SNTB1: variants seen among roughly 807,000 people sequenced by gnomAD.
SNTB1 encodes the protein syntrophin beta 1.
A neutral mutation model predicts 48.9 loss-of-function variants in SNTB1; 36 were observed. That is an observed-to-expected ratio of 0.74 (90% CI 0.56 to 0.97). The LOEUF is 0.97. SNTB1 is among the 50% of genes least tolerant of loss of function. The pLI, the probability that SNTB1 is intolerant of heterozygous loss-of-function variation, is 0.00. For missense variants in SNTB1, 786 were observed against 703.4 expected, an observed-to-expected ratio of 1.12 and a Z score of -1.33; for synonymous variants, 299 against 294.6, an observed-to-expected ratio of 1.01 and a Z score of -0.15.
rs192659328 is a variant in SNTB1 at position 120,563,280 on chromosome 8, G to A, written c.1136+11806C>T. On this transcript the variant is annotated intron_variant, in intron 4 of 6. Coordinates refer to ENST00000517992, the MANE Select transcript of SNTB1 (RefSeq NM_021021.4). The stretch of plus-strand genomic sequence containing the variant: ...AAACCAACACTCTTACTCCATACAA[G>A]TGAGCATACCTTTTTTTTTTTTAAT... Among the ~76,000 whole-genome samples the A allele has an allele frequency of 2.7e-5, 4 of 149,582 alleles. No homozygotes were observed. The East Asian group carries it at 7.8e-4, about 29-fold the overall frequency.
At chr8:120,737,695 G>A (rs1316895106) in intron 1 of SNTB1, among the ~76,000 whole-genome samples, 1 of 152,114 alleles carries the variant, frequency 6.6e-6, no homozygotes, top group Non-Finnish European at 1.5e-5. Context: ...GTGAAGTCTG[G>A]CTTCAGCATG....
chr8:120,623,188 C>T (rs774317105), intron 3 of SNTB1, among the ~76,000 whole-genome samples: 2 of 152,324 alleles, frequency 1.3e-5, no homozygotes, highest in African/African-American at 2.4e-5. Flanking sequence ...CAAGAATCTC[C>T]GTCTCAGACT....
intron 3 of SNTB1, among the ~76,000 whole-genome samples, chr8:120,616,169 TA>T (rs1816710721): frequency 6.6e-6 from 1 of 152,190 alleles, no homozygotes; most frequent in African/African-American, 2.4e-5. Flanking sequence ...AATTATTTAA[TA>T]GTACATTTTG....
intron 3 of SNTB1, among the ~76,000 whole-genome samples, chr8:120,592,483 C>T (rs1222771772): frequency 1.3e-5 from 2 of 152,124 alleles, no homozygotes; most frequent in Non-Finnish European, 2.9e-5. Flanking sequence ...CCTGGCCAAG[C>T]AGAGAATTTT....
chr8:120,780,245 A>C (rs1466204000), intron 1 of SNTB1, among the ~76,000 whole-genome samples: 1 of 152,186 alleles, frequency 6.6e-6, no homozygotes, highest in African/African-American at 2.4e-5. Context: ...CCCACCACCA[A>C]ATTGGCTTGC....
intron 2 of SNTB1, among the ~76,000 whole-genome samples, chr8:120,652,844 A>T (rs1204153998): frequency 6.6e-6 from 1 of 152,192 alleles, no homozygotes; most frequent in Non-Finnish European, 1.5e-5. Context: ...GGGGGAAAAA[A>T]CTACATTAGT....
chr8:120,729,546 G>T (rs2129972301), intron 1 of SNTB1, among the ~76,000 whole-genome samples: 1 of 152,366 alleles, frequency 6.6e-6, no homozygotes, highest in Middle Eastern at 3.4e-3. Context: ...TGAGGGCTGA[G>T]GGTGAGAGTT....
chr8:120,785,225 G>A (rs1819904320), intron 1 of SNTB1, among the ~76,000 whole-genome samples: 1 of 152,212 alleles, frequency 6.6e-6, no homozygotes, highest in South Asian at 2.1e-4. Flanking sequence ...AGAGCAGGAA[G>A]TGTGCTACAG....
chr8:120,576,741 G>A (rs1391116249), intron 3 of SNTB1, among the ~76,000 whole-genome samples: 2 of 152,166 alleles, frequency 1.3e-5, no homozygotes, highest in Admixed American at 1.3e-4. Context: ...TAATTTCTTT[G>A]TATCTCAGTT....
At chr8:120,720,181 T>C (rs1818635189) in intron 1 of SNTB1, among the ~76,000 whole-genome samples, 2 of 152,300 alleles carry the variant, frequency 1.3e-5, no homozygotes, top group Admixed American at 1.3e-4. Flanking sequence ...CATATGCACT[T>C]TGGGGCAGCC....
At chr8:120,748,366 C>T (rs532652811) in intron 1 of SNTB1, among the ~76,000 whole-genome samples, 316 of 152,106 alleles carry the variant, frequency 2.1e-3, no homozygotes, top group Non-Finnish European at 3.9e-3. Context: ...AAAATTTGGT[C>T]GTCATCCTTC....
At chr8:120,741,434 T>C (rs4871110) in intron 1 of SNTB1, among the ~76,000 whole-genome samples, 19,947 of 151,986 alleles carry the variant, frequency 0.13, 1,696 homozygotes, top group African/African-American at 0.24. Context: ...CATGGCAAAA[T>C]GCTGTCTCTA....
At chr8:120,653,576 G>T (rs1233168833) in intron 2 of SNTB1, among the ~76,000 whole-genome samples, 1 of 152,136 alleles carries the variant, frequency 6.6e-6, no homozygotes, top group East Asian at 1.9e-4. Flanking sequence ...GCCAATCCTA[G>T]AAAACTATTA....
At chr8:120,639,512 GT>G (rs1480808594) in intron 2 of SNTB1, among the ~76,000 whole-genome samples, 3 of 152,126 alleles carry the variant, frequency 2.0e-5, no homozygotes, top group Non-Finnish European at 4.4e-5. Context: ...ATGGTTTTAG[GT>G]CTAACATTTA....
At chr8:120,731,759 C>T (rs1010710582) in intron 1 of SNTB1, among the ~76,000 whole-genome samples, 6 of 152,182 alleles carry the variant, frequency 3.9e-5, no homozygotes, top group African/African-American at 1.2e-4. Context: ...CAGATGTCTA[C>T]GGCAGAACTC....
intron 1 of SNTB1, among the ~76,000 whole-genome samples, chr8:120,705,456 T>A (rs976410553): frequency 6.6e-6 from 1 of 152,250 alleles, no homozygotes; most frequent in Non-Finnish European, 1.5e-5. Context: ...TTTGTGTATG[T>A]CTGCAGAATA....
At chr8:120,540,589 G>A (rs1331974981) in intron 6 of SNTB1, among the ~76,000 whole-genome samples, 3 of 152,192 alleles carry the variant, frequency 2.0e-5, no homozygotes, top group Admixed American at 6.5e-5. Context: ...ATTAGAAATA[G>A]TCTTAGTAAA....
At chr8:120,683,790 GA>G (rs906628109) in intron 2 of SNTB1, among the ~76,000 whole-genome samples, 32 of 151,934 alleles carry the variant, frequency 2.1e-4, no homozygotes, top group African/African-American at 7.7e-4. Flanking sequence ...AGTACAGAGA[GA>G]AAAAAAAGTC....
intron 1 of SNTB1, among the ~76,000 whole-genome samples, chr8:120,713,278 C>T (rs1415021116): frequency 6.6e-6 from 1 of 152,122 alleles, no homozygotes; most frequent in Admixed American, 6.5e-5. Context: ...ACCTTACATG[C>T]ATCTTTCAGT....
Sources: gnomAD v4.1 joint callset for allele counts (sites outside exome capture counted in the v4.1 genomes callset) on GRCh38, gnomAD v4.1.1 for gene constraint, MANE v1.5 for transcripts, NCBI Gene and HGNC (gene_info 2026-07-23, HGNC 2026-07-21) for gene names.